ADGRG4: variants seen among roughly 807,000 people sequenced by gnomAD.
ADGRG4 encodes the protein adhesion G protein-coupled receptor G4, also known as G protein-coupled receptor 112.
A neutral mutation model predicts 126.2 loss-of-function variants in ADGRG4; 122 were observed. The observed-to-expected ratio is 0.97, with a 90% CI of 0.83 to 1.12. The LOEUF is 1.12. ADGRG4 is among the 50% of genes most tolerant of loss of function. ADGRG4 has a pLI of 0.00. For missense variants in ADGRG4, 2,481 were observed against 2,251.8 expected (o/e 1.10, Z -2.06); for synonymous variants, 943 against 838.7 (o/e 1.12, Z -2.15).
intron 15 of ADGRG4, among the ~76,000 whole-genome samples, chrX:136,373,826 C>A (rs751173333): frequency 9.0e-6 from 1 of 110,798 alleles, no homozygotes; most frequent in African/African-American, 3.3e-5. Flanking sequence ...ATTAGCCAGG[C>A]ATGGTAGTGT....
rs140210570 is a variant in ADGRG4 at position 136,348,086 on chromosome X, G to A, written c.4380G>A (p.Gln1460=). 3.3e-6 allele frequency: 4 copies of A among 1,208,149 alleles called. No individual in the cohort carries two copies. The highest frequency in any genetic ancestry group is 4.4e-5 in the Admixed American group (2 of 45,767). The change falls in exon 6 of 26, where the codon CAG becomes CAA. Residue 1460 remains glutamine (Q), a synonymous_variant. Transcript: ENST00000394143. ...SVASFISEST[Q]TFPESLSLST... is the part of the protein sequence containing the mutation. ...CCTCTTTCATTTCTGAAAGCACACAGACTTTCCCTGAGTCCTTGTCTCTTT... is the reference window on the plus strand; with the variant it reads ...CCTCTTTCATTTCTGAAAGCACACAAACTTTCCCTGAGTCCTTGTCTCTTT...
At chrX:136,351,397 A>G (rs1249666495) in intron 6 of ADGRG4, 50 bp from the exon 7 acceptor site, 2 of 752,551 alleles carry the variant, frequency 2.7e-6, no homozygotes, top group African/African-American at 4.3e-5. Context: ...ACAGAAGTCA[A>G]ATTTCTTGAA....
At chrX:136,331,282 T>C (rs752684658) in intron 5 of ADGRG4, among the ~76,000 whole-genome samples, 1 of 112,452 alleles carries the variant, frequency 8.9e-6, no homozygotes, top group Admixed American at 9.4e-5. Context: ...ATCTTAGCTA[T>C]TGTGAACAGT....
In ADGRG4 at chrX:136,342,921, T is replaced by TGA. The variant is rs1556006930; in HGVS notation, c.686-1459_686-1458dup. Reference sequence around the variant, plus strand: ...GTGTGTGTGTGTGTGTGTGTGTGTGTGAGAGAGAGAGAGGAAGGGGATCAG... The same window carrying TGA: ...GTGTGTGTGTGTGTGTGTGTGTGTGTGAGAGAGAGAGAGAGGAAGGGGATCAG... On this transcript the variant is annotated intron_variant, in intron 5 of 25. Coordinates refer to ENST00000394143, the MANE Select transcript of ADGRG4 (RefSeq NM_153834.4). Among the ~76,000 whole-genome samples, 300 of 84,261 alleles carry TGA rather than the reference T, an allele frequency of 3.6e-3. 4 individuals carry two copies. Among genetic ancestry groups the TGA allele is most frequent in the African/African-American group, 0.012 (245 of 21,178 alleles). 73.2% of individuals were successfully genotyped at this position (84,261 alleles called of 115,157 possible).
chrX:136,383,818 C>A (rs1359201656), intron 15 of ADGRG4, among the ~76,000 whole-genome samples: 1 of 41,897 alleles, frequency 2.4e-5, no homozygotes, highest in Non-Finnish European at 4.2e-5. Context: ...ATTTGCCTTT[C>A]TTTCTTTCTT....
At chrX:136,343,750 A>T (rs186888616) in intron 5 of ADGRG4, among the ~76,000 whole-genome samples, 1 of 112,008 alleles carries the variant, frequency 8.9e-6, no homozygotes, top group Admixed American at 9.4e-5. Flanking sequence ...TTGAGCACTT[A>T]CTCTGTATAA....
chrX:136,349,733 G>A lies in ADGRG4; in HGVS notation c.6027G>A (p.Trp2009Ter). Residue 2009 changes from tryptophan (W) to a stop codon, truncating the protein, a stop_gained, in exon 6 of 26, where the codon TGG becomes TGA. Coordinates refer to ENST00000394143, the MANE Select transcript of ADGRG4 (RefSeq NM_153834.4). LOFTEE classifies it high-confidence loss of function. ...SVISKSPILT[W>*]LLSSLPSGSP... ...TTTCAAAGTCACCCATTCTGACATG[G>A]CTCTTATCTAGTCTCCCTTCTGGCT... 8.3e-7 allele frequency: 1 copy of A among 1,209,492 alleles called. No individual in the cohort carries two copies. Among genetic ancestry groups the A allele is most frequent in the Non-Finnish European group, 1.1e-6 (1 of 894,110 alleles).
In ADGRG4 at chrX:136,350,348, C is replaced by A; in HGVS notation, c.6642C>A (p.Ser2214=). 17 of 1,210,533 alleles carry A rather than the reference C, an allele frequency of 1.4e-5. No individual in the cohort carries two copies. The highest frequency in any genetic ancestry group is 1.9e-5 in the Non-Finnish European group (17 of 894,616). ...FTATVSSPIS[S]FFETTWLDST... is the part of the protein sequence containing the mutation. ...CAACTGTGTCTTCACCAATATCGTC[C>A]TTTTTTGAAACAACTTGGCTGGACT... The change falls in exon 6 of 26, where the codon TCC becomes TCA. Residue 2214 remains serine, a synonymous_variant. Coordinates refer to ENST00000394143, the MANE Select transcript of ADGRG4 (RefSeq NM_153834.4).
rs1186310914 is a variant in ADGRG4, at chrX:136,403,267, A to G, written c.8599A>G (p.Ile2867Val). ...AGGAATCCCGGCTATCATGGTGGCA[A>G]TCACAGTCAGTGTGAAAAAAGATCT... ...GWGIPAIMVA[I>V]TVSVKKDLYG... The change falls in exon 22 of 26, where the codon ATC becomes GTC. Residue 2867 changes from isoleucine (I) to valine (V), a missense_variant. By Grantham distance (29) the Ile-to-Val change is conservative. Coordinates refer to ENST00000394143, the MANE Select transcript of ADGRG4 (RefSeq NM_153834.4). The G allele has an allele frequency of 8.3e-7, 1 of 1,210,532 alleles. No individual in the cohort carries two copies. Among genetic ancestry groups the G allele is most frequent in the Non-Finnish European group, 1.1e-6 (1 of 894,309 alleles).
At chrX:136,409,124 G>A (rs953395517) in intron 23 of ADGRG4, among the ~76,000 whole-genome samples, 6 of 110,316 alleles carry the variant, frequency 5.4e-5, no homozygotes, top group African/African-American at 2.0e-4. Context: ...AGTGGAACAA[G>A]TGAACAAAGT....
chrX:136,347,163 A>G lies in ADGRG4; in HGVS notation c.3457A>G (p.Ile1153Val). The G allele has an allele frequency of 8.3e-7, 1 of 1,211,112 alleles. No homozygotes were observed. Among genetic ancestry groups the G allele is most frequent in the Non-Finnish European group, 1.1e-6 (1 of 895,182 alleles). ...LVCSKPPPDN[I>V]PPASSTHVIS... ...CTGCTCAAAACCTCCCCCTGACAAC[A>G]TTCCTCCTGCGTCCTCCACTCATGT... Residue 1153 changes from isoleucine (I) to valine (V), a missense_variant, in exon 6 of 26, where the codon ATT becomes GTT. Ile to Val is a conservative substitution (Grantham distance 29). Transcript: ENST00000394143.
Position 136,395,397 on chromosome X carries a change from G to A in ADGRG4, c.8088G>A (p.Leu2696=). The A allele has an allele frequency of 8.4e-7, 1 of 1,188,760 alleles. No individual in the cohort carries two copies. Among genetic ancestry groups the A allele is most frequent in the Non-Finnish European group, 1.1e-6 (1 of 876,129 alleles). Reference sequence around the variant, plus strand: ...TCCTTCTGTCTCCTACAGATGGGCTGGGTGGATGGAATTCGTCAGGCTGTA... The same window carrying A: ...TCCTTCTGTCTCCTACAGATGGGCTAGGTGGATGGAATTCGTCAGGCTGTA... ...AFWDFENNNG[L]GGWNSSGCKV... The change falls in exon 19 of 26, where the codon CTG becomes CTA. Residue 2696 remains leucine (L), a synonymous_variant. Coordinates refer to ENST00000394143, the MANE Select transcript of ADGRG4 (RefSeq NM_153834.4).
intron 19 of ADGRG4, among the ~76,000 whole-genome samples, chrX:136,396,324 C>T: frequency 9.6e-6 from 1 of 104,172 alleles, no homozygotes; most frequent in African/African-American, 3.5e-5. Context: ...GAATGGTTAG[C>T]TTTTTGAGGG....
intron 15 of ADGRG4, among the ~76,000 whole-genome samples, chrX:136,384,061 G>GT (rs886093957): frequency 3.7e-5 from 4 of 108,752 alleles, no homozygotes; most frequent in Non-Finnish European, 5.7e-5. Flanking sequence ...ATGGGCTGTT[G>GT]TTTTTTTATT....
chrX:136,363,201 T>C (rs2075138634), intron 12 of ADGRG4, among the ~76,000 whole-genome samples: 1 of 111,818 alleles, frequency 8.9e-6, no homozygotes, highest in Non-Finnish European at 1.9e-5. Flanking sequence ...GTCTTGATGC[T>C]TGGTCAGTAG....
chrX:136,323,997 A>G (rs977659352), intron 5 of ADGRG4, among the ~76,000 whole-genome samples: 9 of 111,631 alleles, frequency 8.1e-5, no homozygotes, highest in Admixed American at 7.6e-4. Flanking sequence ...TGTTTGTCTA[A>G]TATTTCCTCA....
chrX:136,389,390 C>T (rs140422577), intron 16 of ADGRG4, among the ~76,000 whole-genome samples: 1,347 of 112,289 alleles, frequency 0.012, 9 homozygotes, highest in Admixed American at 0.022. Context: ...GTGCTTGTCT[C>T]GTAGAATAAG....
chrX:136,397,409 AT>A (rs2075355564), intron 19 of ADGRG4, among the ~76,000 whole-genome samples: 1 of 110,865 alleles, frequency 9.0e-6, no homozygotes, highest in Non-Finnish European at 1.9e-5. Context: ...ATAGTAATTA[AT>A]AAATCACTGA....
chrX:136,358,983 T>C (rs1411301657), intron 10 of ADGRG4, among the ~76,000 whole-genome samples: 1 of 112,486 alleles, frequency 8.9e-6, no homozygotes, highest in Non-Finnish European at 1.9e-5. Context: ...AAACTCCATC[T>C]TCTCTATTAA....
Sources: gnomAD v4.1 joint callset for allele counts (sites outside exome capture counted in the v4.1 genomes callset) on GRCh38, gnomAD v4.1.1 for gene constraint, MANE v1.5 for transcripts, NCBI Gene and HGNC (gene_info 2026-07-23, HGNC 2026-07-21) for gene names.